Variants in ART3 observed in about 807,000 individuals in gnomAD.
ART3 encodes ecto-ADP-ribosyltransferase 3.
ART3 carries 49 observed loss-of-function variants against 48.5 expected under a neutral mutation model. The observed-to-expected ratio is 1.01, with a 90% confidence interval of 0.80 to 1.28. The LOEUF is 1.28. Ranked by LOEUF, ART3 falls within the 50% of genes most tolerant of loss-of-function variation. The probability of loss-of-function intolerance (pLI) is 0.00; values close to 1 mark genes in which losing one functional copy is unlikely to be tolerated. For synonymous variants in ART3, 145 were observed against 157.2 expected (o/e 0.92, Z 0.58); for missense variants, 438 against 454.3 (o/e 0.96, Z 0.33).
At chr4:76,108,568 A>C (rs78230457) in intron 11 of ART3, among the ~76,000 whole-genome samples, 2 of 151,370 alleles carry the variant, frequency 1.3e-5, no homozygotes, top group African/African-American at 4.9e-5. Context: ...AAAAAAAAAA[A>C]CAAAAAACTC....
intron 3 of ART3, among the ~76,000 whole-genome samples, chr4:76,090,756 T>C (rs1014529927): frequency 6.6e-6 from 1 of 152,220 alleles, no homozygotes; most frequent in Non-Finnish European, 1.5e-5. Context: ...GAGTTATAAT[T>C]GATATGCAAT....
chr4:76,016,156 G>A (rs533180531), intron 1 of ART3, among the ~76,000 whole-genome samples: 16 of 152,184 alleles, frequency 1.1e-4, no homozygotes, highest in South Asian at 2.1e-4. Context: ...TTTTTCTTCA[G>A]CACTTTAAAT....
chr4:76,105,964 C>T, intron 10 of ART3: 1 of 985,386 alleles, frequency 1.0e-6, no homozygotes, highest in Non-Finnish European at 1.2e-6. Flanking sequence ...CTACAATCGT[C>T]CAGTAGGCCA....
chr4:76,012,672 T>C (rs1731909964), intron 1 of ART3, among the ~76,000 whole-genome samples: 1 of 152,226 alleles, frequency 6.6e-6, no homozygotes, highest in South Asian at 2.1e-4. Context: ...TGAGAGAGCA[T>C]GTTAAGGACA....
intron 4 of ART3, 108 bp downstream of exon 4, chr4:76,097,784 C>A (rs1726345771): frequency 9.9e-6 from 9 of 905,156 alleles, no homozygotes; most frequent in Middle Eastern, 2.3e-4. Flanking sequence ...TGTCAAACAT[C>A]ATTTTCTCAA....
At chr4:76,083,634 G>T (rs1722952895) in intron 3 of ART3, among the ~76,000 whole-genome samples, 1 of 152,084 alleles carries the variant, frequency 6.6e-6, no homozygotes, top group Non-Finnish European at 1.5e-5. Context: ...GCAGCTCTAG[G>T]CATCAATCCA....
chr4:76,105,066 G>A (rs930141720), intron 10 of ART3, among the ~76,000 whole-genome samples: 1 of 152,280 alleles, frequency 6.6e-6, no homozygotes, highest in Admixed American at 6.5e-5. Flanking sequence ...TCAGAGAAAA[G>A]GGTCCAGGAC....
Position 76,081,998 on chromosome 4 carries a change from AC to A in ART3, c.245del (p.Thr82IlefsTer7). ...AAAAGCCAAATGGGCAGCCCGAAAG[AC>A]TCAAATCTTTCTCCCTATGAATTTT... ...NAKAKWAARK[T>X]QIFLPMNFKD... On this transcript the variant is annotated frameshift_variant, in exon 3 of 12. Transcript: ENST00000355810. LOFTEE classifies it high-confidence loss of function. 1 of 1,614,154 alleles carries A rather than the reference AC, an allele frequency of 6.2e-7. No individual in the cohort carries two copies. The highest frequency in any genetic ancestry group is 1.1e-5 in the South Asian group (1 of 91,078).
At chr4:76,019,486 A>T (rs1056147523) in intron 1 of ART3, among the ~76,000 whole-genome samples, 1 of 18,398 alleles carries the variant, frequency 5.4e-5, no homozygotes, top group African/African-American at 2.2e-4. Context: ...TAAAAAAGCA[A>T]TTCTTGGCTG....
chr4:76,089,014 A>T (rs983494824), intron 3 of ART3, among the ~76,000 whole-genome samples: 1 of 152,332 alleles, frequency 6.6e-6, no homozygotes, highest in East Asian at 1.9e-4. Flanking sequence ...GGCATTTATC[A>T]ATACCCCAAA....
chr4:76,078,621 C>T (rs138564948), intron 2 of ART3, among the ~76,000 whole-genome samples: 1 of 151,142 alleles, frequency 6.6e-6, no homozygotes, highest in Non-Finnish European at 1.5e-5. Flanking sequence ...CTGAAGCTGG[C>T]ACAATTCCCT....
chr4:76,068,178 A>G (rs191265425), intron 1 of ART3, among the ~76,000 whole-genome samples: 1 of 152,192 alleles, frequency 6.6e-6, no homozygotes, highest in Non-Finnish European at 1.5e-5. Context: ...GGTATGACTT[A>G]TGTAAATAAA....
At chr4:76,094,349 G>C (rs1338670218) in intron 3 of ART3, among the ~76,000 whole-genome samples, 1 of 152,140 alleles carries the variant, frequency 6.6e-6, no homozygotes, top group East Asian at 1.9e-4. Flanking sequence ...CTCTGGGTTA[G>C]TTTCATTAGA....
chr4:76,094,122 C>G (rs899432448), intron 3 of ART3, among the ~76,000 whole-genome samples: 1 of 152,156 alleles, frequency 6.6e-6, no homozygotes, highest in Non-Finnish European at 1.5e-5. Context: ...AAGAAGAAAG[C>G]CTTTACCAGA....
intron 1 of ART3, among the ~76,000 whole-genome samples, chr4:76,043,898 G>A (rs903126969): frequency 1.3e-4 from 20 of 152,108 alleles, no homozygotes; most frequent in South Asian, 8.3e-4. Context: ...GAATTTGGCC[G>A]ATGACCACTC....
chr4:76,053,779 G>A (rs929543527), intron 1 of ART3, among the ~76,000 whole-genome samples: 1 of 152,182 alleles, frequency 6.6e-6, no homozygotes, highest in East Asian at 1.9e-4. Context: ...CTGTACCTCT[G>A]TCAGAATGTT....
chr4:76,109,751 G>A (rs1234579286), intron 11 of ART3, among the ~76,000 whole-genome samples: 1 of 152,100 alleles, frequency 6.6e-6, no homozygotes, highest in Non-Finnish European at 1.5e-5. Context: ...CATGTGGTCT[G>A]TCATTGATGG....
intron 1 of ART3, among the ~76,000 whole-genome samples, chr4:76,031,275 A>G (rs1269061474): frequency 2.0e-5 from 3 of 152,216 alleles, no homozygotes; most frequent in African/African-American, 7.2e-5. Flanking sequence ...TACAGTAGTG[A>G]AAGTTTACTT....
At position 76,082,020 on chromosome 4, in the gene ART3, A is replaced by AT. The variant is rs1182947824; in HGVS notation, c.270dup (p.Lys91Ter). The AT allele has an allele frequency of 1.2e-6, 2 of 1,614,238 alleles. No homozygotes were observed. The highest frequency in any genetic ancestry group is 1.7e-6 in the Non-Finnish European group (2 of 1,180,038). ...AAGACTCAAATCTTTCTCCCTATGA[A>AT]TTTTAAGGATAACCATGGAATAGCC... On this transcript the variant is annotated frameshift_variant, in exon 3 of 12. Coordinates refer to ENST00000355810, the MANE Select transcript of ART3 (RefSeq NM_001130016.3). LOFTEE classifies it high-confidence loss of function.
Sources: allele counts gnomAD v4.1 joint callset (sites outside exome capture counted in the v4.1 genomes callset), GRCh38; gene constraint gnomAD v4.1.1; transcripts MANE v1.5; gene names NCBI Gene and HGNC (gene_info 2026-07-23, HGNC 2026-07-21).